The following POLA1 variants were observed in gnomAD, a reference collection of about 807,000 sequenced individuals.
POLA1 encodes DNA polymerase alpha catalytic subunit.
Under a neutral mutation model 124.0 loss-of-function variants are expected in POLA1, and 15 were observed. The observed-to-expected ratio is 0.12, with a 90% CI of 0.08 to 0.19. The LOEUF (loss-of-function observed/expected upper bound fraction) is 0.19. Ranked by LOEUF, POLA1 falls within the 10% of genes least tolerant of loss-of-function variation. POLA1 has a pLI of 1.00. For missense variants in POLA1, 886 were observed against 1,103.4 expected (o/e 0.80, Z 2.79); for synonymous variants, 408 against 389.4 (o/e 1.05, Z -0.56).
At chrX:24,963,430 C>T (rs1328562196) in intron 36 of POLA1, among the ~76,000 whole-genome samples, 1 of 111,566 alleles carries the variant, frequency 9.0e-6, no homozygotes, top group Non-Finnish European at 1.9e-5. Flanking sequence ...GTAGAGAACC[C>T]ATAGGTTTGG....
intron 13 of POLA1, among the ~76,000 whole-genome samples, chrX:24,726,406 C>G (rs1309837738): frequency 2.7e-5 from 3 of 111,931 alleles, no homozygotes; most frequent in African/African-American, 9.7e-5. Flanking sequence ...GTGTCAGTAG[C>G]ATTGCTATAG....
chrX:24,932,676 A>AT (rs2047799559), intron 36 of POLA1, among the ~76,000 whole-genome samples: 2 of 111,855 alleles, frequency 1.8e-5, no homozygotes, highest in African/African-American at 6.5e-5. Flanking sequence ...GCTAAAGAAA[A>AT]TAAGACGAGA....
chrX:24,796,503 G>A (rs190907708), intron 26 of POLA1, among the ~76,000 whole-genome samples: 126 of 110,292 alleles, frequency 1.1e-3, no homozygotes, highest in African/African-American at 3.8e-3. Flanking sequence ...GGAACAGAAG[G>A]TACTAGAGGA....
intron 34 of POLA1, among the ~76,000 whole-genome samples, chrX:24,856,498 T>C (rs893297957): frequency 6.3e-5 from 7 of 111,978 alleles, no homozygotes; most frequent in African/African-American, 1.9e-4. Context: ...TTCATTTCTC[T>C]AGGATAAATA....
chrX:24,875,704 A>G (rs2046920801), intron 34 of POLA1, among the ~76,000 whole-genome samples: 1 of 111,992 alleles, frequency 8.9e-6, no homozygotes, highest in Admixed American at 9.5e-5. Context: ...TGATTTTTCA[A>G]AAGTTAAGGG....
In POLA1 at chrX:24,841,904, A is replaced by C. The variant is rs772340861; in HGVS notation, c.3915+74A>C. On this transcript the variant is annotated intron_variant, in intron 33 of 36. Coordinates refer to ENST00000379068, the MANE Select transcript of POLA1 (RefSeq NM_001330360.2). ...TTACCCCCTTCCCCCACTATGGGGT[A>C]TATAAAAAGGGCGAAATAAACACAC... 1.3e-4 allele frequency: 100 copies of C among 741,472 alleles called. 1 individual carries two copies. In the African/African-American group the frequency reaches 2.0e-3, roughly 15 times the overall value. The allele number at this position is 741,472 out of a possible 1,213,427, so 61.1% of individuals were successfully genotyped here. A position where few individuals can be genotyped will look rare whatever the true frequency, so the allele number is the denominator to read the frequency against.
chrX:24,741,140 T>C (rs866983333), intron 20 of POLA1, among the ~76,000 whole-genome samples: 1 of 84,666 alleles, frequency 1.2e-5, no homozygotes, highest in African/African-American at 3.6e-5. Flanking sequence ...TGTGTGTGTG[T>C]GTGTGTGCGC....
chrX:24,938,597 A>G (rs931671331), intron 36 of POLA1, among the ~76,000 whole-genome samples: 2 of 112,287 alleles, frequency 1.8e-5, no homozygotes, highest in African/African-American at 6.5e-5. Context: ...ACAAGATTCT[A>G]TTTCTTAAAT....
At chrX:24,732,506 T>C in intron 16 of POLA1, 52 bp downstream of exon 16, 1 of 772,169 alleles carries the variant, frequency 1.3e-6, no homozygotes, top group Non-Finnish European at 2.0e-6. Flanking sequence ...TGAATTTCCT[T>C]ATTTTTTCTC....
intron 34 of POLA1, among the ~76,000 whole-genome samples, chrX:24,856,521 G>A (rs1168507051): frequency 8.9e-6 from 1 of 111,803 alleles, no homozygotes; most frequent in Non-Finnish European, 1.9e-5. Flanking sequence ...CAGGGGTAGG[G>A]TTGCTGGCTC....
intron 31 of POLA1, among the ~76,000 whole-genome samples, chrX:24,825,187 A>G (rs1481987126): frequency 8.9e-6 from 1 of 112,773 alleles, no homozygotes; most frequent in Non-Finnish European, 1.9e-5. Flanking sequence ...TTGATTAATT[A>G]TGCCTAATTC....
chrX:24,883,895 A>T (rs962523072), intron 34 of POLA1, among the ~76,000 whole-genome samples: 2 of 111,625 alleles, frequency 1.8e-5, no homozygotes, highest in African/African-American at 6.5e-5. Context: ...CACTTTTATT[A>T]AAAATGTTCT....
At chrX:24,741,923 A>T in intron 21 of POLA1, 79 bp from the exon 22 acceptor site, 1 of 836,844 alleles carries the variant, frequency 1.2e-6, no homozygotes, top group South Asian at 2.7e-5. Context: ...AGGTGCTGTG[A>T]CTAAACTTAC....
intron 24 of POLA1, 88 bp downstream of exon 24, chrX:24,745,630 TG>T: frequency 1.6e-6 from 1 of 628,687 alleles, no homozygotes. Flanking sequence ...ATAGTTTTAT[TG>T]TGGTATTATT....
At chrX:24,706,221 A>G (rs1928793517) in intron 4 of POLA1, among the ~76,000 whole-genome samples, 1 of 111,712 alleles carries the variant, frequency 9.0e-6, no homozygotes, top group African/African-American at 3.3e-5. Flanking sequence ...TTTATGTTCA[A>G]ATTATCTCAG....
intron 34 of POLA1, among the ~76,000 whole-genome samples, chrX:24,876,288 A>T (rs991543023): frequency 8.9e-6 from 1 of 112,230 alleles, no homozygotes; most frequent in Admixed American, 9.4e-5. Flanking sequence ...AGACAAATGT[A>T]TGCTTTTTTA....
intron 36 of POLA1, among the ~76,000 whole-genome samples, chrX:24,955,373 T>C (rs1221835961): frequency 1.9e-5 from 2 of 104,936 alleles, no homozygotes; most frequent in African/African-American, 7.1e-5. Context: ...AGAGACTGGG[T>C]CTTGCCATGT....
intron 36 of POLA1, among the ~76,000 whole-genome samples, chrX:24,942,638 T>TC (rs1475492782): frequency 8.9e-6 from 1 of 112,296 alleles, no homozygotes; most frequent in Non-Finnish European, 1.9e-5. Flanking sequence ...ATTGAAAATT[T>TC]CGTCTAAAAG....
At chrX:24,895,541 C>T (rs1434523204) in intron 35 of POLA1, among the ~76,000 whole-genome samples, 1 of 112,348 alleles carries the variant, frequency 8.9e-6, no homozygotes, top group Admixed American at 9.4e-5. Flanking sequence ...AGAAATTAGT[C>T]ATGTGGAAAT....
Sources: allele counts gnomAD v4.1 joint callset (sites outside exome capture counted in the v4.1 genomes callset), GRCh38; gene constraint gnomAD v4.1.1; transcripts MANE v1.5; gene names NCBI Gene and HGNC (gene_info 2026-07-23, HGNC 2026-07-21).